CLEC16A: variants seen among roughly 807,000 people sequenced by gnomAD.
CLEC16A encodes the protein C-type lectin domain containing 16A.
A neutral mutation model predicts 109.5 loss-of-function variants in CLEC16A; 51 were observed. That is an observed-to-expected ratio of 0.47 (90% CI 0.37 to 0.59). The LOEUF (loss-of-function observed/expected upper bound fraction) is 0.59, where lower values mean the gene tolerates loss of function less well. Among genes scored for constraint, CLEC16A ranks in the 20% least tolerant of loss-of-function variants. CLEC16A has a pLI of 0.00. For synonymous variants in CLEC16A, 673 were observed against 564.2 expected, an observed-to-expected ratio of 1.19 and a Z score of -2.73; for missense variants, 1,339 against 1,394.0, an observed-to-expected ratio of 0.96 and a Z score of 0.63.
chr16:11,053,839 T>A (rs992594377), intron 18 of CLEC16A, among the ~76,000 whole-genome samples: 1 of 152,218 alleles, frequency 6.6e-6, no homozygotes, highest in Non-Finnish European at 1.5e-5. Flanking sequence ...ATCTGCTGGC[T>A]CTGCTCAGGA....
At chr16:11,013,062 C>T (rs1303593991) in intron 11 of CLEC16A, among the ~76,000 whole-genome samples, 1 of 152,120 alleles carries the variant, frequency 6.6e-6, no homozygotes, top group Non-Finnish European at 1.5e-5. Context: ...TGCCAGGGAA[C>T]TTAACATGTA....
At chr16:11,008,454 A>G (rs114516075) in intron 11 of CLEC16A, among the ~76,000 whole-genome samples, 2,137 of 152,168 alleles carry the variant, frequency 0.014, 50 homozygotes, top group African/African-American at 0.048. Flanking sequence ...GTATCAGGGA[A>G]GCTCAAGAAT....
At chr16:11,133,453 C>G (rs1458658150) in intron 22 of CLEC16A, among the ~76,000 whole-genome samples, 4 of 152,104 alleles carry the variant, frequency 2.6e-5, no homozygotes, top group Non-Finnish European at 4.4e-5. Context: ...GTCACGTGAC[C>G]CAGAGCACTT....
chr16:11,089,348 A>G (rs1204922713), intron 19 of CLEC16A, among the ~76,000 whole-genome samples: 2 of 152,104 alleles, frequency 1.3e-5, no homozygotes, highest in Non-Finnish European at 2.9e-5. Flanking sequence ...ATTAAATGGA[A>G]GCACCCGAGG....
intron 22 of CLEC16A, among the ~76,000 whole-genome samples, chr16:11,153,922 G>T (rs7203629): frequency 6.6e-6 from 1 of 152,100 alleles, no homozygotes; most frequent in Non-Finnish European, 1.5e-5. Flanking sequence ...AGCCCTTCTG[G>T]TTCCTAATAA....
At chr16:11,080,984 C>T (rs989437818) in intron 19 of CLEC16A, among the ~76,000 whole-genome samples, 2 of 152,166 alleles carry the variant, frequency 1.3e-5, no homozygotes, top group African/African-American at 4.8e-5. Flanking sequence ...TACAGCCCAC[C>T]CCAGGTGGGA....
At chr16:11,101,949 C>T (rs551898600) in intron 19 of CLEC16A, among the ~76,000 whole-genome samples, 5 of 151,210 alleles carry the variant, frequency 3.3e-5, no homozygotes, top group Non-Finnish European at 5.9e-5. Context: ...ACCACAGGTG[C>T]ACACCACCAC....
At chr16:11,027,721 A>G (rs1176371888) in intron 13 of CLEC16A, 39 of 1,577,370 alleles carry the variant, frequency 2.5e-5, no homozygotes, top group Non-Finnish European at 3.1e-5. Context: ...ACACTTGGCT[A>G]TCGGGGTGAA....
intron 19 of CLEC16A, among the ~76,000 whole-genome samples, chr16:11,104,381 G>A (rs893906038): frequency 2.0e-5 from 3 of 151,972 alleles, no homozygotes; most frequent in African/African-American, 7.3e-5. Flanking sequence ...TCCCACCTCA[G>A]CCTCCCAAAG....
At chr16:11,147,753 C>A (rs1363112454) in intron 22 of CLEC16A, among the ~76,000 whole-genome samples, 1 of 152,188 alleles carries the variant, frequency 6.6e-6, no homozygotes, top group Non-Finnish European at 1.5e-5. Flanking sequence ...ACAAAGCTGT[C>A]ATCCGACAGC....
intron 19 of CLEC16A, among the ~76,000 whole-genome samples, chr16:11,112,284 A>G (rs570125383): frequency 5.3e-5 from 8 of 152,208 alleles, no homozygotes; most frequent in Non-Finnish European, 1.2e-4. Context: ...TATCCACTGT[A>G]AAAAGGTTTT....
chr16:11,000,659 G>A (rs1009510268), intron 10 of CLEC16A, among the ~76,000 whole-genome samples: 4 of 152,212 alleles, frequency 2.6e-5, no homozygotes, highest in Non-Finnish European at 5.9e-5. Flanking sequence ...ATTGGCGTCT[G>A]TAATACGCTA....
chr16:11,157,840 G>A (rs1211655982), intron 22 of CLEC16A, among the ~76,000 whole-genome samples: 1 of 152,136 alleles, frequency 6.6e-6, no homozygotes, highest in African/African-American at 2.4e-5. Context: ...GCTTTCCTAG[G>A]GTAGCCCCCC....
At chr16:11,164,601 C>T (rs2054839606) in intron 22 of CLEC16A, among the ~76,000 whole-genome samples, 1 of 152,224 alleles carries the variant, frequency 6.6e-6, no homozygotes, top group Non-Finnish European at 1.5e-5. Flanking sequence ...ACCAGATGGG[C>T]ACACTGCTTC....
chr16:11,155,966 G>A (rs1597589311), intron 22 of CLEC16A, among the ~76,000 whole-genome samples: 1 of 152,172 alleles, frequency 6.6e-6, no homozygotes, highest in Non-Finnish European at 1.5e-5. Flanking sequence ...ACACGGAGCA[G>A]GCCAAACATG....
At chr16:10,949,561 G>T (rs151194960) in intron 1 of CLEC16A, among the ~76,000 whole-genome samples, 1 of 151,076 alleles carries the variant, frequency 6.6e-6, no homozygotes, top group African/African-American at 2.4e-5. Flanking sequence ...GTGTTCACTG[G>T]GTGAAGAGGA....
At chr16:11,044,943 A>C (rs2047556976) in intron 16 of CLEC16A, among the ~76,000 whole-genome samples, 1 of 152,030 alleles carries the variant, frequency 6.6e-6, no homozygotes, top group African/African-American at 2.4e-5. Context: ...AAAAAAAAAA[A>C]AACTAATTGC....
intron 22 of CLEC16A, among the ~76,000 whole-genome samples, chr16:11,162,507 AC>A (rs1343287101): frequency 1.3e-5 from 2 of 151,974 alleles, no homozygotes; most frequent in African/African-American, 4.8e-5. Context: ...AAATAACAAA[AC>A]TCACTGCAGT....
chr16:11,154,804 A>G (rs1320316527), intron 22 of CLEC16A, among the ~76,000 whole-genome samples: 1 of 152,026 alleles, frequency 6.6e-6, no homozygotes, highest in Non-Finnish European at 1.5e-5. Flanking sequence ...GCAGTTGCCT[A>G]TAATCCCAGC....
Sources: allele counts gnomAD v4.1 joint callset (sites outside exome capture counted in the v4.1 genomes callset), GRCh38; gene constraint gnomAD v4.1.1; transcripts MANE v1.5; gene names NCBI Gene and HGNC (gene_info 2026-07-23, HGNC 2026-07-21).